Variants in SPMIP3 observed in about 807,000 individuals in gnomAD.
SPMIP3 encodes protein SPMIP3.
chr1:244,364,106 G>T, the SPMIP3 span, among the ~76,000 whole-genome samples: 479 of 138,270 alleles, frequency 3.5e-3, 2 homozygotes, highest in Middle Eastern at 0.017. Flanking sequence ...CTTTGCTTTT[G>T]CTTTTTCTTT....
chr1:244,372,304 A>G, the SPMIP3 span, among the ~76,000 whole-genome samples: 1 of 152,220 alleles, frequency 6.6e-6, no homozygotes, highest in Non-Finnish European at 1.5e-5. Context: ...AGCCTAGCAT[A>G]GTGCAGGGTG....
the SPMIP3 span, among the ~76,000 whole-genome samples, chr1:244,353,205 C>A: frequency 6.6e-6 from 1 of 152,142 alleles, no homozygotes; most frequent in Admixed American, 6.6e-5. Flanking sequence ...TGGTCCCCAA[C>A]ATCTAGGAGC....
At chr1:244,372,506 C>T in the SPMIP3 span, among the ~76,000 whole-genome samples, 411 of 151,060 alleles carry the variant, frequency 2.7e-3, 1 homozygote, top group Admixed American at 5.1e-3. Context: ...TGCAGTGGCA[C>T]GATCTCAGCT....
chr1:244,370,593 C>T, the SPMIP3 span, among the ~76,000 whole-genome samples: 1 of 152,174 alleles, frequency 6.6e-6, no homozygotes, highest in African/African-American at 2.4e-5. Context: ...GAGTGCTTTT[C>T]GTTGAGTTAA....
At chr1:244,384,285 C>A in the SPMIP3 span, among the ~76,000 whole-genome samples, 1 of 152,160 alleles carries the variant, frequency 6.6e-6, no homozygotes, top group South Asian at 2.1e-4. Context: ...CTCACCGCAG[C>A]CTTGGCAGCC....
the SPMIP3 span, among the ~76,000 whole-genome samples, chr1:244,380,223 G>C: frequency 6.8e-6 from 1 of 147,664 alleles, no homozygotes; most frequent in Non-Finnish European, 1.5e-5. Flanking sequence ...AGGTTCAAGC[G>C]ATTCTCCTGC....
the SPMIP3 span, chr1:244,376,535 A>T: frequency 6.6e-6 from 1 of 152,242 alleles, no homozygotes; most frequent in Non-Finnish European, 1.5e-5. Flanking sequence ...AAATGGAATG[A>T]TTGAAAATTA....
chr1:244,383,886 G>C, the SPMIP3 span, among the ~76,000 whole-genome samples: 3 of 152,100 alleles, frequency 2.0e-5, no homozygotes, highest in Non-Finnish European at 4.4e-5. Context: ...GAGAATAATG[G>C]GAAACTGTTG....
At chr1:244,358,945 G>A in the SPMIP3 span, among the ~76,000 whole-genome samples, 1 of 152,102 alleles carries the variant, frequency 6.6e-6, no homozygotes, top group Admixed American at 6.6e-5. Flanking sequence ...TGTTCCTGGT[G>A]CTGAGAACAA....
the SPMIP3 span, among the ~76,000 whole-genome samples, chr1:244,368,211 G>T: frequency 6.6e-6 from 1 of 152,106 alleles, no homozygotes; most frequent in Non-Finnish European, 1.5e-5. Context: ...CACTCAACTT[G>T]GCCTCCCAAA....
the SPMIP3 span, among the ~76,000 whole-genome samples, chr1:244,354,106 C>T: frequency 1.3e-5 from 2 of 152,132 alleles, no homozygotes; most frequent in African/African-American, 4.8e-5. Flanking sequence ...ACTTACTCAC[C>T]AGCTCACATG....
the SPMIP3 span, among the ~76,000 whole-genome samples, chr1:244,367,356 T>A: frequency 6.6e-6 from 1 of 151,368 alleles, no homozygotes; most frequent in South Asian, 2.1e-4. Context: ...AGGACAAGAG[T>A]GGGGGTTATT....
At chr1:244,373,105 G>A in the SPMIP3 span, among the ~76,000 whole-genome samples, 25 of 151,828 alleles carry the variant, frequency 1.6e-4, no homozygotes, top group African/African-American at 4.8e-4. Context: ...TTCTGGCTGG[G>A]TGCAGCGGCT....
the SPMIP3 span, among the ~76,000 whole-genome samples, chr1:244,383,501 C>T: frequency 6.6e-6 from 1 of 152,014 alleles, no homozygotes; most frequent in Admixed American, 6.6e-5. Flanking sequence ...ATAGCAAGAC[C>T]CCAACTCTAA....
chr1:244,380,308 C>T, the SPMIP3 span, among the ~76,000 whole-genome samples: 15 of 151,956 alleles, frequency 9.9e-5, no homozygotes, highest in South Asian at 4.2e-4. Context: ...TTAGTATAGA[C>T]GGAGTCTCAC....
At chr1:244,381,622 A>G in the SPMIP3 span, among the ~76,000 whole-genome samples, 9 of 152,076 alleles carry the variant, frequency 5.9e-5, no homozygotes, top group African/African-American at 2.2e-4. Context: ...CTAAATACCA[A>G]ATAGAGGTGC....
the SPMIP3 span, among the ~76,000 whole-genome samples, chr1:244,363,954 T>C: frequency 1.3e-5 from 2 of 150,834 alleles, no homozygotes; most frequent in Admixed American, 1.3e-4. Context: ...CTGGGAAATG[T>C]CGTGCTTAGC....
chr1:244,375,629 G>GTTTT, the SPMIP3 span: 1 of 357,986 alleles, frequency 2.8e-6, no homozygotes, highest in Non-Finnish European at 4.7e-6. Flanking sequence ...AACTGTTAAT[G>GTTTT]TTTTTTTTTT....
chr1:244,373,332 T>TTATATATATA, the SPMIP3 span, among the ~76,000 whole-genome samples: 176 of 85,184 alleles, frequency 2.1e-3, 17 homozygotes, highest in Middle Eastern at 0.014. Flanking sequence ...CAAAAAAAAA[T>TTATATATATA]TATATATATA....
Sources: allele counts gnomAD v4.1 joint callset (sites outside exome capture counted in the v4.1 genomes callset), GRCh38; gene constraint gnomAD v4.1.1; transcripts MANE v1.5; gene names NCBI Gene and HGNC (gene_info 2026-07-23, HGNC 2026-07-21).